NLRX1: variants seen among roughly 807,000 people sequenced by gnomAD.
NLRX1 encodes NOD-like receptor X1.
A neutral mutation model predicts 74.2 loss-of-function variants in NLRX1; 67 were observed. The ratio of observed to expected loss-of-function variants is 0.90; its 90% CI spans 0.74 to 1.11. NLRX1 has a LOEUF of 1.11. NLRX1 is among the 50% of genes least tolerant of loss of function. The probability of loss-of-function intolerance (pLI) is 0.00; values close to 1 mark genes in which losing one functional copy is unlikely to be tolerated. For missense variants in NLRX1, 1,191 were observed against 1,305.4 expected, an observed-to-expected ratio of 0.91 and a Z score of 1.35; for synonymous variants, 506 against 559.1, an observed-to-expected ratio of 0.91 and a Z score of 1.34.
At chr11:119,180,810 G>T (rs1459245397) in intron 7 of NLRX1, among the ~76,000 whole-genome samples, 1 of 152,100 alleles carries the variant, frequency 6.6e-6, no homozygotes, top group Non-Finnish European at 1.5e-5. Context: ...GGAGGCCAAG[G>T]CAGAAGCATC....
chr11:119,181,078 G>C, intron 7 of NLRX1, 93 bp from the exon 8 acceptor site: 2 of 866,794 alleles, frequency 2.3e-6, no homozygotes, highest in Non-Finnish European at 3.9e-6. Context: ...CCCAGAGGCA[G>C]GCTGATGAAA....
At position 119,172,383 on chromosome 11, in the gene NLRX1, G is replaced by A. The variant is rs761922653; in HGVS notation, c.98G>A (p.Trp33Ter). The stretch of plus-strand genomic sequence containing the variant: ...GATCGTATCCCCTTCCTGATCCACT[G>A]GAGTTGGCCCCTTCAAGGGGAGCGT... Reference protein sequence around the residue: ...PDDRIPFLIHWSWPLQGERPF... With the variant: ...PDDRIPFLIH Residue 33 changes from tryptophan (W) to a stop codon, truncating the protein, a stop_gained, in exon 3 of 10, where the codon TGG (tryptophan) becomes TAG (stop). Coordinates refer to ENST00000409109, the MANE Select transcript of NLRX1 (RefSeq NM_001282144.2). LOFTEE classifies it high-confidence loss of function. The A allele has an allele frequency of 1.2e-6, 2 of 1,613,894 alleles. No homozygotes were observed. Among genetic ancestry groups the A allele is most frequent in the Admixed American group, 1.7e-5 (1 of 60,022 alleles).
chr11:119,172,791 T>G (rs644252), intron 3 of NLRX1, 110 bp from the exon 4 acceptor site: 458,587 of 813,884 alleles, frequency 0.56, 136,631 homozygotes, highest in East Asian at 0.86. Context: ...TGTGGGGCCT[T>G]TATCTCAGGA....
rs199476038 is a variant in NLRX1 at position 119,173,368 on chromosome 11, C to T, written c.230-111C>T. 1,642 of 1,194,874 alleles carry T rather than the reference C, an allele frequency of 1.4e-3. 1 individual carries two copies. The highest frequency in any genetic ancestry group is 1.6e-3 in the Non-Finnish European group (1,387 of 850,290). The allele number at this position is 1,194,874 out of a possible 1,614,324, so 74.0% of individuals were successfully genotyped here. A position where few individuals can be genotyped will look rare whatever the true frequency, so the allele number is the denominator to read the frequency against. ...TCTTGTGTGCCCACCATTGTGGGCC[C>T]CAGCATCTATGCCGTGATGTCCCAG... On this transcript the variant is annotated intron_variant, in intron 4 of 9. Coordinates refer to ENST00000409109, the MANE Select transcript of NLRX1 (RefSeq NM_001282144.2). This position sits in a 1 kb window ranked among gnomAD's most constrained non-coding sequence, Gnocchi z 4.0.
intron 1 of NLRX1, among the ~76,000 whole-genome samples, chr11:119,170,697 A>G (rs1948519411): frequency 6.6e-6 from 1 of 152,212 alleles, no homozygotes; most frequent in Non-Finnish European, 1.5e-5. Context: ...TTATTACTGG[A>G]AAATCTAGGC....
rs1233188577 is a variant in NLRX1 at position 119,174,101 on chromosome 11, G to A, written c.849+3G>A. ...TGCGCAAATACATGCTGCCTCAGGT[G>A]GGTGGCCCTTTACCCCAGGTTATCA... On this transcript the variant is annotated splice_donor_region_variant and intron_variant, in intron 5 of 9. Coordinates refer to ENST00000409109, the MANE Select transcript of NLRX1 (RefSeq NM_001282144.2). 6.2e-7 allele frequency: 1 copy of A among 1,612,814 alleles called. No homozygotes were observed. Among genetic ancestry groups the A allele is most frequent in the South Asian group, 1.1e-5 (1 of 91,030 alleles).
At chr11:119,174,153 G>A in intron 5 of NLRX1, 55 bp downstream of exon 5, 2 of 1,579,220 alleles carry the variant, frequency 1.3e-6, no homozygotes, top group Non-Finnish European at 1.7e-6. Context: ...CGCCCCCTAG[G>A]TCCTGGGTTA....
chr11:119,174,034 C>G lies in NLRX1; in HGVS notation c.785C>G (p.Pro262Arg). The change falls in exon 5 of 10, where the codon CCG (proline) becomes CGG (arginine). Residue 262 changes from proline to arginine, a missense_variant. By Grantham distance (103) the Pro-to-Arg change is moderately radical. Transcript: ENST00000409109. ...RLAGTGLCSD[P>R]EEPQEPAAII... Reference sequence around the variant, plus strand: ...GCAGGCACGGGACTTTGTAGTGACCCGGAGGAACCGCAGGAACCAGCTGCT... The same window carrying G: ...GCAGGCACGGGACTTTGTAGTGACCGGGAGGAACCGCAGGAACCAGCTGCT... 1 of 1,614,126 alleles carries G rather than the reference C, an allele frequency of 6.2e-7. No homozygotes were observed.
Position 119,173,594 on chromosome 11 carries a change from C to T in NLRX1, c.345C>T (p.Ile115=). The change falls in exon 5 of 10, where the codon ATC becomes ATT. Residue 115 remains isoleucine (I), a synonymous_variant. Coordinates refer to ENST00000409109, the MANE Select transcript of NLRX1 (RefSeq NM_001282144.2). This position sits in a 1 kb window ranked among gnomAD's most constrained non-coding sequence, Gnocchi z 4.0. The stretch of plus-strand genomic sequence containing the variant: ...ACACGGTCCACGTTGACCCTGTGAT[C>T]CGCGAGAGTACCCCTGATGAGCTAC... ...ALDTVHVDPV[I]RESTPDELLR... 1 of 1,614,164 alleles carries T rather than the reference C, an allele frequency of 6.2e-7. No individual in the cohort carries two copies. Among genetic ancestry groups the T allele is most frequent in the Admixed American group, 1.7e-5 (1 of 60,030 alleles).
At chr11:119,181,070 C>G (rs531750804) in intron 7 of NLRX1, 101 bp from the exon 8 acceptor site, 1 of 833,040 alleles carries the variant, frequency 1.2e-6, no homozygotes, top group Admixed American at 1.8e-5. Flanking sequence ...TATAGATTCC[C>G]AGAGGCAGGC....
At chr11:119,169,801 G>T (rs996815355) in intron 1 of NLRX1, among the ~76,000 whole-genome samples, 5 of 152,008 alleles carry the variant, frequency 3.3e-5, no homozygotes, top group African/African-American at 1.2e-4. Flanking sequence ...ACCACCCTGG[G>T]CAACAATGGT....
In NLRX1 at chr11:119,183,088, G is replaced by T; in HGVS notation, c.2607-30G>T. On this transcript the variant is annotated intron_variant, in intron 9 of 9. Transcript: ENST00000409109. This position sits in a 1 kb window ranked among gnomAD's most constrained non-coding sequence, Gnocchi z 5.7. The stretch of plus-strand genomic sequence containing the variant: ...GGGCCCTCCTTCTCAGAGCTCTACT[G>T]AATGGCATCGACTTTCTCTCTCCTG... 1 of 1,603,554 alleles carries T rather than the reference G, an allele frequency of 6.2e-7. No individual in the cohort carries two copies. Among genetic ancestry groups the T allele is most frequent in the Non-Finnish European group, 8.5e-7 (1 of 1,174,032 alleles).
At chr11:119,172,566 C>T in intron 3 of NLRX1, 141 bp downstream of exon 3, 1 of 682,380 alleles carries the variant, frequency 1.5e-6, no homozygotes. Context: ...ACAGTGGCAG[C>T]TCCAAGGCCT....
chr11:119,183,140 T>A lies in NLRX1; in HGVS notation c.2629T>A (p.Ser877Thr). 6.2e-7 allele frequency: 1 copy of A among 1,613,978 alleles called. No individual in the cohort carries two copies. Among genetic ancestry groups the A allele is most frequent in the South Asian group, 1.1e-5 (1 of 91,066 alleles). The change falls in exon 10 of 10, where the codon TCA (serine) becomes ACA (threonine). Residue 877 changes from serine to threonine, a missense_variant. Coordinates refer to ENST00000409109, the MANE Select transcript of NLRX1 (RefSeq NM_001282144.2). This position sits in a 1 kb window ranked among gnomAD's most constrained non-coding sequence, Gnocchi z 5.7. Reference sequence around the variant, plus strand: ...CAGCCTCTACTTCAATGAGCTGAGCTCAGAGGGCCGCCAGGTCTTGCGAGA... The same window carrying A: ...CAGCCTCTACTTCAATGAGCTGAGCACAGAGGGCCGCCAGGTCTTGCGAGA... ...LLHLYFNELS[S>T]EGRQVLRDLG...
chr11:119,174,577 G>T lies in NLRX1; in HGVS notation c.974G>T (p.Arg325Leu). The stretch of plus-strand genomic sequence containing the variant: ...CTGCAGAAGCTCTACTTCCAGCTCC[G>T]CCTCAACCAGCCGTACTGCGGGTAT... ...TNLQKLYFQL[R>L]LNQPYCGYAV... The change falls in exon 6 of 10, where the codon CGC becomes CTC. Residue 325 changes from arginine (R) to leucine (L), a missense_variant. Physicochemically the swap from Arg to Leu is moderately radical, Grantham distance 102. Transcript: ENST00000409109. 6.2e-7 allele frequency: 1 copy of T among 1,614,086 alleles called. No individual in the cohort carries two copies. The highest frequency in any genetic ancestry group is 8.5e-7 in the Non-Finnish European group (1 of 1,180,052).
Position 119,173,956 on chromosome 11 carries a change from ACCT to A in NLRX1, c.712_714del (p.Leu238del), listed in dbSNP as rs1565826987. On this transcript the variant is annotated inframe_deletion, in exon 5 of 10. Transcript: ENST00000409109. The surrounding 1 kb of genome is among the most constrained non-coding windows in gnomAD (Gnocchi z 4.0). ...CCCCTGATGGCTGCTGCTGGGTCCC[ACCT>A]CCTCTTTGTGCTCCATGGCTTAGAG... The A allele has an allele frequency of 6.2e-7, 1 of 1,613,570 alleles. No individual in the cohort carries two copies. The highest frequency in any genetic ancestry group is 1.7e-5 in the Admixed American group (1 of 59,974).
chr11:119,181,952 T>C, intron 8 of NLRX1, 142 bp from the exon 9 acceptor site: 4 of 942,574 alleles, frequency 4.2e-6, no homozygotes, highest in Non-Finnish European at 4.9e-6. Context: ...CAGGTTCCTC[T>C]TGCCCCATGC....
Position 119,183,985 on chromosome 11 carries a change from C to G in NLRX1, c.*546C>G. The stretch of plus-strand genomic sequence containing the variant: ...CCTCGAGGCAGATGCACCTGACTTG[C>G]TGCTATTAAAAAGCCGTGTGCCTTC... On this transcript the variant is annotated 3_prime_UTR_variant, in exon 10 of 10. Transcript: ENST00000409109. The surrounding 1 kb of genome is among the most constrained non-coding windows in gnomAD (Gnocchi z 5.7). 1.3e-6 allele frequency: 1 copy of G among 758,080 alleles called. No individual in the cohort carries two copies. The highest frequency in any genetic ancestry group is 2.5e-6 in the Non-Finnish European group (1 of 403,864). The allele number at this position is 758,080 out of a possible 1,614,324, so 47.0% of individuals were successfully genotyped here. A position where few individuals can be genotyped will look rare whatever the true frequency, so the allele number is the denominator to read the frequency against.
chr11:119,177,637 A>G (rs1948732434), intron 6 of NLRX1: 1 of 151,292 alleles, frequency 6.6e-6, no homozygotes, highest in Non-Finnish European at 1.5e-5. Context: ...CACAAAAAAA[A>G]AAAAAGAAAA....
Sources: gnomAD v4.1 joint callset for allele counts (sites outside exome capture counted in the v4.1 genomes callset) on GRCh38, gnomAD v4.1.1 for gene constraint, Gnocchi (gnomAD v3.1) non-coding constraint, MANE v1.5 for transcripts, NCBI Gene and HGNC (gene_info 2026-07-23, HGNC 2026-07-21) for gene names.